Variants in MID1 observed in about 807,000 individuals in gnomAD.
The protein encoded by MID1 is midline 1, also known as E3 ubiquitin-protein ligase Midline-1.
MID1 carries 7 observed loss-of-function variants against 40.4 expected under a neutral mutation model. The observed-to-expected ratio is 0.17, with a 90% CI of 0.10 to 0.33. The LOEUF (loss-of-function observed/expected upper bound fraction) is 0.33. MID1 is among the 10% of genes least tolerant of loss of function. The pLI is 1.00. For synonymous variants in MID1, 229 were observed against 221.2 expected (o/e 1.04, Z -0.31); for missense variants, 367 against 558.5 (o/e 0.66, Z 3.46).
chrX:10,687,601 G>A (rs150241505), intron 1 of MID1, among the ~76,000 whole-genome samples: 2,172 of 112,538 alleles, frequency 0.019, 51 homozygotes, highest in African/African-American at 0.066. Context: ...TGAGAATGGT[G>A]AGTCAAAATA....
At chrX:10,657,721 G>C in intron 1 of MID1, among the ~76,000 whole-genome samples, 1 of 112,450 alleles carries the variant, frequency 8.9e-6, no homozygotes, top group Middle Eastern at 4.6e-3. Flanking sequence ...TTTTATGGGA[G>C]AATGATACTC....
At chrX:10,769,077 TAC>T (rs1393240782) in intron 1 of MID1, among the ~76,000 whole-genome samples, 2 of 111,931 alleles carry the variant, frequency 1.8e-5, no homozygotes, top group African/African-American at 6.5e-5. Context: ...AAGACTATGC[TAC>T]ACAATATCAT....
At chrX:10,525,158 T>A (rs1283675793) in intron 2 of MID1, among the ~76,000 whole-genome samples, 1 of 112,444 alleles carries the variant, frequency 8.9e-6, no homozygotes, top group Non-Finnish European at 1.9e-5. Context: ...TTTTAGCTCA[T>A]TCTACTTCCC....
At chrX:10,693,524 A>G (rs2043143925) in intron 1 of MID1, among the ~76,000 whole-genome samples, 1 of 111,280 alleles carries the variant, frequency 9.0e-6, no homozygotes. Context: ...TTTGACATCC[A>G]GAGGAATCCT....
rs2043708667 is a variant in MID1, at chrX:10,764,767, C to T, written c.-187+68787G>A. On this transcript the variant is annotated intron_variant, in intron 1 of 10. Coordinates refer to the MID1 transcript ENST00000380785. ...ATTTCTACATATGTCAACATTGGGT[C>T]TATGTGGCACCCATGTAATGGTATT... is the stretch of plus-strand genomic sequence containing the variant. Among the ~76,000 whole-genome samples, 3 of 111,768 alleles carry T rather than the reference C, an allele frequency of 2.7e-5. No homozygotes were observed. The Admixed American group carries it at 2.9e-4, about 11-fold the overall frequency.
intron 2 of MID1, among the ~76,000 whole-genome samples, chrX:10,556,532 T>C (rs1934128175): frequency 8.9e-6 from 1 of 112,026 alleles, no homozygotes; most frequent in Non-Finnish European, 1.9e-5. Context: ...ATCAACCCTA[T>C]AACCACTGAG....
chrX:10,796,209 C>T (rs1210377123), intron 1 of MID1, among the ~76,000 whole-genome samples: 1 of 112,015 alleles, frequency 8.9e-6, no homozygotes, highest in Non-Finnish European at 1.9e-5. Context: ...AAGCTGTCAA[C>T]AATTGTGCAT....
Position 10,658,050 on chromosome X carries a change from C to T in MID1, c.-186-37631G>A, listed in dbSNP as rs550720641. On this transcript the variant is annotated intron_variant, in intron 1 of 10. Coordinates refer to the MID1 transcript ENST00000380785. ...CTTTTGAGACAGTGAGCAATTGAGG[C>T]GTCTGAACTGATTGAAGAAAGACCT... Among the ~76,000 whole-genome samples, 216 of 111,201 alleles carry T rather than the reference C, an allele frequency of 1.9e-3. 4 individuals carry two copies. The highest frequency in any genetic ancestry group is 6.8e-3 in the African/African-American group (208 of 30,688).
intron 1 of MID1, among the ~76,000 whole-genome samples, chrX:10,576,133 TA>T (rs1934865623): frequency 9.0e-6 from 1 of 111,080 alleles, no homozygotes; most frequent in African/African-American, 3.3e-5. Flanking sequence ...TTATTATTAT[TA>T]TTATTTTTTT....
chrX:10,552,549 AAT>A (rs1402862040), intron 2 of MID1, among the ~76,000 whole-genome samples: 9 of 111,151 alleles, frequency 8.1e-5, no homozygotes, highest in East Asian at 2.8e-4. Flanking sequence ...TAATACAATA[AAT>A]AGTCGTTATA....
intron 1 of MID1, among the ~76,000 whole-genome samples, chrX:10,741,756 C>T (rs2043524658): frequency 9.1e-6 from 1 of 110,113 alleles, no homozygotes; most frequent in Non-Finnish European, 1.9e-5. Context: ...AAAGTGATGT[C>T]TCAAGAAAAA....
In MID1 at chrX:10,448,039, G is replaced by A. The variant is rs1268619526; in HGVS notation, c.*1329C>T. On this transcript the variant is annotated 3_prime_UTR_variant, in exon 10 of 10. Coordinates refer to ENST00000317552, the MANE Select transcript of MID1 (RefSeq NM_000381.4). ...GCCTTAATTCATGGACCATTCCAACGCATCAGATTGGCATGCAAAGAATCC... is the reference window on the plus strand; with the variant it reads ...GCCTTAATTCATGGACCATTCCAACACATCAGATTGGCATGCAAAGAATCC... 3 of 110,718 alleles carry A rather than the reference G, an allele frequency of 2.7e-5. No individual in the cohort carries two copies. In the East Asian group the frequency reaches 8.5e-4, roughly 31 times the overall value. 9.1% of individuals were successfully genotyped at this position (110,718 alleles called of 1,213,427 possible). A position where few individuals can be genotyped will look rare whatever the true frequency, so the allele number is the denominator to read the frequency against.
intron 2 of MID1, among the ~76,000 whole-genome samples, chrX:10,539,128 G>A (rs1965009): frequency 0.33 from 36,184 of 111,285 alleles, 4,510 homozygotes; most frequent in Non-Finnish European, 0.38. Context: ...GTAGGATGAG[G>A]AATTGTGAAG....
intron 2 of MID1, among the ~76,000 whole-genome samples, chrX:10,531,301 G>A (rs920071260): frequency 1.8e-5 from 2 of 112,181 alleles, no homozygotes; most frequent in Non-Finnish European, 3.8e-5. Context: ...TAATTGCACT[G>A]CAGGAGGCTG....
chrX:10,730,729 G>T (rs187426074), intron 1 of MID1, among the ~76,000 whole-genome samples: 1 of 109,123 alleles, frequency 9.2e-6, no homozygotes. Flanking sequence ...CCGCCACCAC[G>T]CCCGGCTAAT....
intron 1 of MID1, among the ~76,000 whole-genome samples, chrX:10,602,566 C>T (rs1319368454): frequency 1.8e-5 from 2 of 111,760 alleles, no homozygotes; most frequent in East Asian, 5.6e-4. Context: ...AAAGATCATA[C>T]AATATGTGGC....
Position 10,449,485 on chromosome X carries a change from G to A in MID1, c.1887C>T (p.Phe629=), listed in dbSNP as rs1472881114. ...AAACAGGCTGCGCAAATGCGACGTC[G>A]AAGGTGTAGAGGTGGATGGAGTTCA... ...DALNSIHLYT[F]DVAFAQPVCP... Residue 629 remains phenylalanine, a synonymous_variant, in exon 10 of 10, where the codon TTC becomes TTT. Coordinates refer to ENST00000317552, the MANE Select transcript of MID1 (RefSeq NM_000381.4). 9.1e-6 allele frequency: 11 copies of A among 1,209,899 alleles called. No homozygotes were observed. The highest frequency in any genetic ancestry group is 1.8e-5 in the South Asian group (1 of 56,820).
At chrX:10,717,982 T>C (rs2043318645) in intron 1 of MID1, among the ~76,000 whole-genome samples, 1 of 112,026 alleles carries the variant, frequency 8.9e-6, no homozygotes, top group Non-Finnish European at 1.9e-5. Flanking sequence ...GAAATAAAGA[T>C]GTTCTTTGGA....
rs377073303 is a variant in MID1 at position 10,477,725 on chromosome X, G to A, written c.1014-2975C>T. Among the ~76,000 whole-genome samples the A allele has an allele frequency of 1.5e-4, 17 of 112,186 alleles. No homozygotes were observed. The East Asian group carries it at 3.6e-3, about 24-fold the overall frequency. The stretch of plus-strand genomic sequence containing the variant: ...GGGGCCAGTTTTCCAGAAGGTGGAC[G>A]TGTCTGGAGCTATGCTGCTCACAAG... On this transcript the variant is annotated intron_variant, in intron 5 of 9. Transcript: ENST00000317552.
Sources: allele counts gnomAD v4.1 joint callset (sites outside exome capture counted in the v4.1 genomes callset), GRCh38; gene constraint gnomAD v4.1.1; transcripts MANE v1.5; gene names NCBI Gene and HGNC (gene_info 2026-07-23, HGNC 2026-07-21).